The following SSBP3 variants were observed in gnomAD, a reference collection of about 807,000 sequenced individuals.
The protein encoded by SSBP3 is single-stranded DNA-binding protein 3.
SSBP3 carries 5 observed loss-of-function variants against 69.6 expected under a neutral mutation model. That is an observed-to-expected ratio of 0.07 (90% CI 0.04 to 0.15). SSBP3 has a LOEUF of 0.15. Among genes scored for constraint, SSBP3 ranks in the 10% least tolerant of loss-of-function variants. The pLI, the probability that SSBP3 is intolerant of heterozygous loss-of-function variation, is 1.00. For missense variants in SSBP3, 312 were observed against 534.0 expected (o/e 0.58, Z 4.10); for synonymous variants, 196 against 193.4 (o/e 1.01, Z -0.11).
At chr1:54,241,841 G>C (rs951482500) in intron 11 of SSBP3, among the ~76,000 whole-genome samples, 1 of 152,248 alleles carries the variant, frequency 6.6e-6, no homozygotes, top group African/African-American at 2.4e-5. Flanking sequence ...TCTGTGTGGA[G>C]CACCTTACCC....
Position 54,253,192 on chromosome 1 carries a change from G to GTTT in SSBP3, c.508-1335_508-1333dup, listed in dbSNP as rs554412710. Among the ~76,000 whole-genome samples the GTTT allele has an allele frequency of 6.0e-4, 80 of 132,926 alleles. No individual in the cohort carries two copies. In the Middle Eastern group the frequency reaches 0.013, roughly 21 times the overall value. The allele number at this position is 132,926 out of a possible 152,430, so 87.2% of individuals were successfully genotyped here. On this transcript the variant is annotated intron_variant, in intron 7 of 17. Transcript: ENST00000610401. Reference sequence around the variant, plus strand: ...TGTTTTTGTTTTTTTTTTAGTTTTTGTTTTTTTTTTTTTTTAAGACAGGGT... The same window carrying GTTT: ...TGTTTTTGTTTTTTTTTTAGTTTTTGTTTTTTTTTTTTTTTTTTAAGACAGGGT...
At chr1:54,383,028 A>AAAAG (rs972317210) in intron 4 of SSBP3, among the ~76,000 whole-genome samples, 23 of 149,588 alleles carry the variant, frequency 1.5e-4, no homozygotes, top group African/African-American at 5.2e-4. Context: ...AGAAAGAAAG[A>AAAAG]AAAGAAAGAA....
chr1:54,407,031 A>T (rs1295423556), upstream of SSBP3, among the ~76,000 whole-genome samples: 1 of 151,778 alleles, frequency 6.6e-6, no homozygotes, highest in Non-Finnish European at 1.5e-5. Context: ...CCACGCTGAG[A>T]GCTGGGCGGC....
At chr1:54,385,149 C>G (rs2100742371) in intron 4 of SSBP3, among the ~76,000 whole-genome samples, 1 of 152,296 alleles carries the variant, frequency 6.6e-6, no homozygotes, top group Non-Finnish European at 1.5e-5. Context: ...AGGCAGTGGG[C>G]AGTCCCTCCC....
chr1:54,236,527 G>A (rs1644498492), intron 14 of SSBP3: 1 of 152,196 alleles, frequency 6.6e-6, no homozygotes, highest in Non-Finnish European at 1.5e-5. Context: ...CTCCCACCTT[G>A]GCCTCCCAAA....
At chr1:54,402,810 CA>C (rs1206221908) in intron 3 of SSBP3, among the ~76,000 whole-genome samples, 1 of 152,146 alleles carries the variant, frequency 6.6e-6, no homozygotes, top group Admixed American at 6.5e-5. Context: ...CTATGTCAAC[CA>C]ATAAAGCCCT....
chr1:54,240,047 G>GGGGTGTGTGT (rs759078115), intron 13 of SSBP3, among the ~76,000 whole-genome samples: 1 of 77,792 alleles, frequency 1.3e-5, no homozygotes, highest in Non-Finnish European at 2.6e-5. Flanking sequence ...ATTGTGATGG[G>GGGGTGTGTGT]GTGTGTGTGT....
At chr1:54,348,240 TG>T (rs201005897) in intron 4 of SSBP3, among the ~76,000 whole-genome samples, 1 of 1,606 alleles carries the variant, frequency 6.2e-4, no homozygotes, top group Non-Finnish European at 1.3e-3. Flanking sequence ...ATAGAAGGCA[TG>T]GGGGGCGGGG....
At position 54,367,748 on chromosome 1, in the gene SSBP3, A is replaced by G. The variant is rs944024293; in HGVS notation, c.276+34113T>C. ...AATCACTCTTAAGCAATGTGCTGGC[A>G]ATTCTGATGGATTTTTGTTTCTAAA... On this transcript the variant is annotated intron_variant, in intron 4 of 17. Transcript: ENST00000610401. Among the ~76,000 whole-genome samples, 13 of 152,224 alleles carry G rather than the reference A, an allele frequency of 8.5e-5. 1 individual carries two copies. Among genetic ancestry groups the G allele is most frequent in the Non-Finnish European group, 1.8e-4 (12 of 68,040 alleles).
At position 54,268,666 on chromosome 1, in the gene SSBP3, G is replaced by A. The variant is rs147465795; in HGVS notation, c.367-10517C>T. On this transcript the variant is annotated intron_variant, in intron 5 of 17. Coordinates refer to ENST00000610401, the Ensembl canonical transcript of SSBP3. ...AGTCTTGCAGCCCCCTGGAAAACTC[G>A]GTAGTTTTTCATGCCTTTTCCTCCC... 4.6e-3 allele frequency among the ~76,000 whole-genome samples: 704 copies of A among 152,264 alleles called. 2 individuals carry two copies. Among genetic ancestry groups the A allele is most frequent in the Middle Eastern group, 0.037 (11 of 294 alleles).
At chr1:54,246,132 C>T (rs1382856176) in intron 9 of SSBP3, among the ~76,000 whole-genome samples, 1 of 152,198 alleles carries the variant, frequency 6.6e-6, no homozygotes, top group Admixed American at 6.5e-5. Context: ...CCTTGCAGGT[C>T]TCCAGTGGAT....
intron 4 of SSBP3, among the ~76,000 whole-genome samples, chr1:54,349,333 G>T (rs541100935): frequency 6.6e-6 from 1 of 152,306 alleles, no homozygotes; most frequent in South Asian, 2.1e-4. Context: ...GCGGTGCCTG[G>T]CACACAGTAG....
chr1:54,228,637 C>T (rs1644329162), intron 15 of SSBP3, 111 bp downstream of exon 15: 3 of 1,476,156 alleles, frequency 2.0e-6, no homozygotes, highest in Non-Finnish European at 2.8e-6. Flanking sequence ...GTCCTGTGTG[C>T]CCAGCCAAGG....
At chr1:54,243,032 T>C in intron 10 of SSBP3, 1 of 605,930 alleles carries the variant, frequency 1.7e-6, no homozygotes. Context: ...GCAGCATGCC[T>C]GAACCGTGCC....
intron 4 of SSBP3, among the ~76,000 whole-genome samples, chr1:54,348,755 A>T (rs887270631): frequency 1.3e-5 from 2 of 152,208 alleles, no homozygotes; most frequent in African/African-American, 2.4e-5. Flanking sequence ...CACCATAGAT[A>T]CAGCTCAGAT....
intron 4 of SSBP3, among the ~76,000 whole-genome samples, chr1:54,380,659 C>T (rs559010751): frequency 1.3e-5 from 2 of 152,280 alleles, no homozygotes; most frequent in East Asian, 3.9e-4. Flanking sequence ...CAGACAAACT[C>T]GCTGACTCAC....
intron 5 of SSBP3, among the ~76,000 whole-genome samples, chr1:54,277,510 C>T (rs1645310873): frequency 6.6e-6 from 1 of 152,196 alleles, no homozygotes; most frequent in Admixed American, 6.5e-5. Context: ...GGTTTAGACT[C>T]TGATTACAGC....
At chr1:54,321,653 C>T (rs1351661388) in intron 4 of SSBP3, among the ~76,000 whole-genome samples, 1 of 152,208 alleles carries the variant, frequency 6.6e-6, no homozygotes, top group Non-Finnish European at 1.5e-5. Context: ...GCAAGTCAAA[C>T]GAAGAATGCA....
At chr1:54,301,917 TTA>T (rs1280510421) in intron 4 of SSBP3, among the ~76,000 whole-genome samples, 1 of 152,130 alleles carries the variant, frequency 6.6e-6, no homozygotes, top group Admixed American at 6.5e-5. Flanking sequence ...CTCCCCCAAA[TTA>T]TGTGTGCAAA....
Sources: allele counts gnomAD v4.1 joint callset (sites outside exome capture counted in the v4.1 genomes callset), GRCh38; gene constraint gnomAD v4.1.1; transcripts MANE v1.5; gene names NCBI Gene and HGNC (gene_info 2026-07-23, HGNC 2026-07-21).